The following AGBL3 variants were observed in gnomAD, a reference collection of about 807,000 sequenced individuals.
AGBL3 encodes the protein cytosolic carboxypeptidase 3.
A neutral mutation model predicts 94.5 loss-of-function variants in AGBL3; 68 were observed. The observed-to-expected ratio is 0.72, with a 90% CI of 0.59 to 0.88. The LOEUF is 0.88. Ranked by LOEUF, AGBL3 falls within the 40% of genes least tolerant of loss-of-function variation. The pLI is 0.00. For missense variants in AGBL3, 934 were observed against 1,103.8 expected (o/e 0.85, Z 2.18); for synonymous variants, 354 against 370.7 (o/e 0.95, Z 0.52).
At chr7:135,043,130 A>T (rs1817027092) in intron 8 of AGBL3, among the ~76,000 whole-genome samples, 1 of 152,136 alleles carries the variant, frequency 6.6e-6, no homozygotes, top group African/African-American at 2.4e-5. Flanking sequence ...CCCTTCCTAT[A>T]ACTTTTTTAA....
chr7:135,079,750 G>A (rs2116846725), intron 13 of AGBL3, among the ~76,000 whole-genome samples: 1 of 151,836 alleles, frequency 6.6e-6, no homozygotes, highest in South Asian at 2.1e-4. Flanking sequence ...TTACAGATGT[G>A]TACCGTGCCC....
chr7:135,072,432 A>G (rs558474124), intron 12 of AGBL3, among the ~76,000 whole-genome samples: 11 of 152,214 alleles, frequency 7.2e-5, no homozygotes, highest in Non-Finnish European at 1.5e-4. Context: ...CCAGAGGATT[A>G]TAAAACATGC....
intron 12 of AGBL3, among the ~76,000 whole-genome samples, chr7:135,062,537 T>C (rs1338867974): frequency 7.4e-6 from 1 of 135,758 alleles, no homozygotes; most frequent in Admixed American, 7.6e-5. Context: ...TACATGCATT[T>C]TATACCTTAT....
intron 4 of AGBL3, among the ~76,000 whole-genome samples, chr7:135,001,129 C>G (rs1324631702): frequency 6.6e-6 from 1 of 152,160 alleles, no homozygotes; most frequent in Non-Finnish European, 1.5e-5. Context: ...GGAGATACAT[C>G]CAGTTCACAT....
chr7:135,043,930 A>G, intron 8 of AGBL3, 95 bp from the exon 9 acceptor site: 1 of 1,424,400 alleles, frequency 7.0e-7, no homozygotes, highest in Non-Finnish European at 9.3e-7. Flanking sequence ...AGAATTATAG[A>G]CTTTGCATAA....
intron 5 of AGBL3, among the ~76,000 whole-genome samples, chr7:135,032,374 C>T (rs1020059305): frequency 6.6e-6 from 1 of 151,812 alleles, no homozygotes. Context: ...ACGCGATCTC[C>T]GCTCACTGCA....
At chr7:135,070,392 T>C (rs1819781962) in intron 12 of AGBL3, among the ~76,000 whole-genome samples, 1 of 152,226 alleles carries the variant, frequency 6.6e-6, no homozygotes, top group Non-Finnish European at 1.5e-5. Context: ...AGCATCATCC[T>C]GATACCAAAG....
chr7:135,117,615 C>T (rs1298771939), intron 16 of AGBL3, among the ~76,000 whole-genome samples: 4 of 152,058 alleles, frequency 2.6e-5, no homozygotes, highest in Non-Finnish European at 5.9e-5. Context: ...GAGAAGGTAG[C>T]CATAAAGAAC....
intron 16 of AGBL3, among the ~76,000 whole-genome samples, chr7:135,125,367 C>T (rs548499637): frequency 6.6e-6 from 1 of 152,126 alleles, no homozygotes; most frequent in South Asian, 2.1e-4. Context: ...CTGAATAGAC[C>T]AATAGCAAGT....
intron 15 of AGBL3, chr7:135,094,191 G>A (rs894126400): frequency 1.7e-5 from 6 of 351,342 alleles, no homozygotes; most frequent in South Asian, 6.6e-5. Context: ...GGGCCTTCTC[G>A]TTTTAGCTGC....
intron 15 of AGBL3, among the ~76,000 whole-genome samples, chr7:135,102,503 C>A (rs1473913464): frequency 6.6e-6 from 1 of 152,118 alleles, no homozygotes; most frequent in African/African-American, 2.4e-5. Context: ...AAAATATGCA[C>A]CACACTTACT....
intron 8 of AGBL3, among the ~76,000 whole-genome samples, chr7:135,043,537 A>G (rs1817067151): frequency 6.6e-6 from 1 of 152,156 alleles, no homozygotes; most frequent in Non-Finnish European, 1.5e-5. Flanking sequence ...GAGGGTGACT[A>G]TAGTCAATAA....
intron 5 of AGBL3, among the ~76,000 whole-genome samples, chr7:135,023,298 A>G (rs1814715842): frequency 6.6e-6 from 1 of 152,146 alleles, no homozygotes; most frequent in South Asian, 2.1e-4. Context: ...CTCAGAGAGA[A>G]AACACTAAGG....
chr7:135,019,160 G>C (rs944506166), intron 5 of AGBL3, among the ~76,000 whole-genome samples: 1 of 152,156 alleles, frequency 6.6e-6, no homozygotes, highest in Admixed American at 6.6e-5. Context: ...CATGTTAGCA[G>C]ACTCTTTTAT....
chr7:135,080,389 C>A, intron 14 of AGBL3, 129 bp downstream of exon 14: 1 of 692,716 alleles, frequency 1.4e-6, no homozygotes, highest in Non-Finnish European at 2.5e-6. Context: ...GATACCATTT[C>A]TTCCCTGCAG....
Position 135,107,967 on chromosome 7 carries a change from T to C in AGBL3, c.2111-7413T>C, listed in dbSNP as rs117528305. 2.3e-4 allele frequency among the ~76,000 whole-genome samples: 35 copies of C among 152,284 alleles called. No individual in the cohort carries two copies. The East Asian group carries it at 4.6e-3, about 20-fold the overall frequency. ...TTGAGCCCTGATTACCATTATGTAATGTCTTTATCTTTTTTTTTTATCTTT... is the reference window on the plus strand; with the variant it reads ...TTGAGCCCTGATTACCATTATGTAACGTCTTTATCTTTTTTTTTTATCTTT... On this transcript the variant is annotated intron_variant, in intron 15 of 16. Transcript: ENST00000436302.
intron 12 of AGBL3, among the ~76,000 whole-genome samples, chr7:135,061,086 C>G (rs139668202): frequency 6.6e-6 from 1 of 151,232 alleles, no homozygotes; most frequent in East Asian, 1.9e-4. Context: ...AACAGCCACT[C>G]TAACAGGCAT....
At chr7:135,021,869 C>T (rs1814524433) in intron 5 of AGBL3, among the ~76,000 whole-genome samples, 1 of 152,066 alleles carries the variant, frequency 6.6e-6, no homozygotes, top group African/African-American at 2.4e-5. Flanking sequence ...TCCCTGTGTC[C>T]ATGTATTCTC....
intron 12 of AGBL3, among the ~76,000 whole-genome samples, chr7:135,062,555 G>C (rs1039634922): frequency 8.8e-6 from 1 of 113,880 alleles, no homozygotes; most frequent in African/African-American, 3.0e-5. Flanking sequence ...TATTTTTGGA[G>C]CATTTTTTAT....
Sources: gnomAD v4.1 joint callset for allele counts (sites outside exome capture counted in the v4.1 genomes callset) on GRCh38, gnomAD v4.1.1 for gene constraint, MANE v1.5 for transcripts, NCBI Gene and HGNC (gene_info 2026-07-23, HGNC 2026-07-21) for gene names.